Variants in CLDN18 observed in about 807,000 individuals in gnomAD.
The protein encoded by CLDN18 is claudin 18.
In CLDN18, 20 loss-of-function variants were observed where a neutral mutation model predicts 25.0. The observed-to-expected ratio is 0.80, with a 90% confidence interval of 0.56 to 1.16. The LOEUF (loss-of-function observed/expected upper bound fraction) is 1.16, where lower values mean the gene tolerates loss of function less well. Among genes scored for constraint, CLDN18 ranks in the 50% most tolerant of loss-of-function variants. The probability of loss-of-function intolerance (pLI) is 0.00; values close to 1 mark genes in which losing one functional copy is unlikely to be tolerated. For missense variants in CLDN18, 297 were observed against 345.4 expected (o/e 0.86, Z 1.11); for synonymous variants, 125 against 135.6 (o/e 0.92, Z 0.54).
Position 138,023,754 on chromosome 3 carries a change from T to A in CLDN18, c.317T>A (p.Ile106Asn). The A allele has an allele frequency of 6.2e-7, 1 of 1,614,126 alleles. No homozygotes were observed. Among genetic ancestry groups the A allele is most frequent in the Non-Finnish European group, 8.5e-7 (1 of 1,180,012 alleles). ...VSIFALKCIR[I>N]GSMEDSAKAN... ...ATCTTTGCCCTGAAATGCATCCGCA[T>A]TGGCAGCATGGAGGACTCTGCCAAA... The change falls in exon 2 of 5, where the codon ATT becomes AAT. Residue 106 changes from isoleucine to asparagine, a missense_variant. Transcript: ENST00000183605.
At chr3:138,028,737 T>C (rs1195936806) in intron 3 of CLDN18, among the ~76,000 whole-genome samples, 1 of 152,250 alleles carries the variant, frequency 6.6e-6, no homozygotes, top group Non-Finnish European at 1.5e-5. Flanking sequence ...CAATTATTTT[T>C]TTCTCAGGAG....
chr3:138,026,854 A>G (rs913825167), intron 3 of CLDN18, among the ~76,000 whole-genome samples: 3 of 152,208 alleles, frequency 2.0e-5, no homozygotes, highest in East Asian at 3.9e-4. Context: ...AGAGCTGTGC[A>G]GTGTGAATTA....
chr3:138,021,450 G>A (rs1942269024), intron 1 of CLDN18, among the ~76,000 whole-genome samples: 1 of 151,972 alleles, frequency 6.6e-6, no homozygotes, highest in African/African-American at 2.4e-5. Context: ...TGCTCCCTTG[G>A]GTCTAGGTAA....
chr3:138,014,468 C>A (rs188067895), intron 1 of CLDN18, among the ~76,000 whole-genome samples: 1 of 151,976 alleles, frequency 6.6e-6, no homozygotes, highest in African/African-American at 2.4e-5. Flanking sequence ...GCATGGCACA[C>A]AACAAGCATA....
chr3:138,024,438 C>T (rs1430212110), intron 2 of CLDN18, among the ~76,000 whole-genome samples, 169 bp from the exon 3 acceptor site: 1 of 152,186 alleles, frequency 6.6e-6, no homozygotes, highest in Admixed American at 6.5e-5. Context: ...ACATTCTAAG[C>T]ACCTATCACA....
intron 1 of CLDN18, among the ~76,000 whole-genome samples, chr3:138,002,998 C>T (rs991922028): frequency 6.6e-6 from 1 of 152,214 alleles, no homozygotes; most frequent in African/African-American, 2.4e-5. Flanking sequence ...CCCAGACTGT[C>T]TGCACATAGG....
chr3:138,032,866 C>T lies in CLDN18; in HGVS notation c.*1725C>T, dbSNP rs1015981389. ...CAACCACACACCTTCCCTGAGCTTA[C>T]ATCACTGCCCTTTTGAGCAGAAAGT... On this transcript the variant is annotated 3_prime_UTR_variant, in exon 5 of 5. Coordinates refer to ENST00000183605, the MANE Select transcript of CLDN18 (RefSeq NM_016369.4). 1 of 152,230 alleles carries T rather than the reference C, an allele frequency of 6.6e-6. No individual in the cohort carries two copies. Among genetic ancestry groups the T allele is most frequent in the Non-Finnish European group, 1.5e-5 (1 of 68,064 alleles). The allele number at this position is 152,230 out of a possible 1,614,324, so 9.4% of individuals were successfully genotyped here.
At chr3:138,030,072 T>G (rs897063669) in intron 4 of CLDN18, among the ~76,000 whole-genome samples, 165 bp downstream of exon 4, 1 of 152,220 alleles carries the variant, frequency 6.6e-6, no homozygotes, top group Non-Finnish European at 1.5e-5. Context: ...AAGAACAGAA[T>G]GGGAATATTT....
intron 1 of CLDN18, among the ~76,000 whole-genome samples, chr3:138,001,123 G>T (rs1438122653): frequency 6.6e-6 from 1 of 152,218 alleles, no homozygotes; most frequent in African/African-American, 2.4e-5. Context: ...AACTGATTCT[G>T]AGTAACTTGC....
At chr3:138,008,789 G>A (rs895117344), upstream of CLDN18, among the ~76,000 whole-genome samples, 1 of 151,972 alleles carries the variant, frequency 6.6e-6, no homozygotes, top group African/African-American at 2.4e-5. Context: ...AGCCGGGTGT[G>A]GTGGTATGCA....
chr3:138,018,606 G>C (rs1398881620), intron 1 of CLDN18, among the ~76,000 whole-genome samples: 4 of 152,062 alleles, frequency 2.6e-5, no homozygotes, highest in Non-Finnish European at 5.9e-5. Flanking sequence ...AAAGTGCTGG[G>C]ATTACAGGCG....
At chr3:137,999,922 C>A (rs1163637816) in intron 1 of CLDN18, among the ~76,000 whole-genome samples, 2 of 152,042 alleles carry the variant, frequency 1.3e-5, no homozygotes, top group African/African-American at 4.8e-5. Flanking sequence ...ATAAATTTGT[C>A]GTTTTTATTT....
At chr3:138,020,902 G>T (rs536057434) in intron 1 of CLDN18, among the ~76,000 whole-genome samples, 99 of 152,256 alleles carry the variant, frequency 6.5e-4, no homozygotes, top group African/African-American at 2.1e-3. Flanking sequence ...CCAGAATAAG[G>T]TGCCTCAAAA....
At chr3:138,009,983 C>A, upstream of CLDN18, 1 of 595,426 alleles carries the variant, frequency 1.7e-6, no homozygotes, top group South Asian at 2.1e-5. Context: ...CTGCGCTGAA[C>A]CCACCCGGCC....
intron 4 of CLDN18, 41 bp from the exon 5 acceptor site, chr3:138,030,929 C>G: frequency 6.4e-7 from 1 of 1,572,766 alleles, no homozygotes; most frequent in African/African-American, 1.4e-5. Context: ...GTCCTACTAA[C>G]AAAGACATCT....
At chr3:138,022,297 G>A (rs3773768) in intron 1 of CLDN18, among the ~76,000 whole-genome samples, 59,260 of 151,970 alleles carry the variant, frequency 0.39, 12,439 homozygotes, top group Middle Eastern at 0.59. Flanking sequence ...GGCACCAGGT[G>A]TAAAGTCTGG....
At chr3:138,029,095 C>T (rs6764000) in intron 3 of CLDN18, among the ~76,000 whole-genome samples, 19,529 of 152,204 alleles carry the variant, frequency 0.13, 1,323 homozygotes, top group African/African-American at 0.14. Flanking sequence ...GATGACTACT[C>T]GTTGGCCCAT....
chr3:138,024,084 G>A (rs1246159480), intron 2 of CLDN18, among the ~76,000 whole-genome samples: 2 of 152,006 alleles, frequency 1.3e-5, no homozygotes, highest in Non-Finnish European at 2.9e-5. Flanking sequence ...TCCAAGACAG[G>A]AGGATCACTT....
At chr3:138,005,367 C>G (rs1942058570), upstream of CLDN18, among the ~76,000 whole-genome samples, 1 of 152,102 alleles carries the variant, frequency 6.6e-6, no homozygotes, top group African/African-American at 2.4e-5. Context: ...AGGTATTTCT[C>G]CTAATGCTAT....
Sources: allele counts gnomAD v4.1 joint callset (sites outside exome capture counted in the v4.1 genomes callset), GRCh38; gene constraint gnomAD v4.1.1; transcripts MANE v1.5; gene names NCBI Gene and HGNC (gene_info 2026-07-23, HGNC 2026-07-21).